The following ZNF536 variants were observed in gnomAD, a reference collection of about 807,000 sequenced individuals.
ZNF536 encodes the protein zinc finger protein 536.
In ZNF536, 13 loss-of-function variants were observed where a neutral mutation model predicts 84.5. The ratio of observed to expected loss-of-function variants is 0.15; its 90% CI spans 0.10 to 0.24. The LOEUF (loss-of-function observed/expected upper bound fraction) is 0.24. ZNF536 is among the 10% of genes least tolerant of loss of function. The probability of loss-of-function intolerance (pLI) is 1.00; values close to 1 mark genes in which losing one functional copy is unlikely to be tolerated. For missense variants in ZNF536, 1,536 were observed against 1,747.5 expected, an observed-to-expected ratio of 0.88 and a Z score of 2.16; for synonymous variants, 811 against 742.5, an observed-to-expected ratio of 1.09 and a Z score of -1.50.
intron 2 of ZNF536, among the ~76,000 whole-genome samples, chr19:30,306,100 A>G (rs2046335302): frequency 6.6e-6 from 1 of 150,872 alleles, no homozygotes; most frequent in Non-Finnish European, 1.5e-5. Context: ...GTTTTGCCTT[A>G]TTGGCAGTTT....
At chr19:30,592,048 G>A in intron 1 of ZNF536, among the ~76,000 whole-genome samples, 1 of 152,126 alleles carries the variant, frequency 6.6e-6, no homozygotes, top group African/African-American at 2.4e-5. Flanking sequence ...ACCTTCTCTA[G>A]TGTGATAACC....
At chr19:30,392,087 G>C (rs2049616401) in intron 1 of ZNF536, among the ~76,000 whole-genome samples, 1 of 152,146 alleles carries the variant, frequency 6.6e-6, no homozygotes, top group Non-Finnish European at 1.5e-5. Flanking sequence ...AGAGGAGAGG[G>C]GAGGTGCTCA....
chr19:30,608,046 A>C (rs2047960078), intron 1 of ZNF536, among the ~76,000 whole-genome samples: 1 of 152,212 alleles, frequency 6.6e-6, no homozygotes, highest in Admixed American at 6.5e-5. Flanking sequence ...TTGTTATTTC[A>C]TGCAAAACTT....
intron 1 of ZNF536, among the ~76,000 whole-genome samples, chr19:30,258,840 C>A (rs900106951): frequency 7.9e-5 from 12 of 152,024 alleles, no homozygotes; most frequent in Middle Eastern, 3.4e-3. Context: ...GCCTCAGCCT[C>A]CCGAGTAGCT....
In ZNF536 at chr19:30,690,263, C is replaced by G. The variant is rs140772093; in HGVS notation, c.170-20494C>G. Among the ~76,000 whole-genome samples, 44 of 152,298 alleles carry G rather than the reference C, an allele frequency of 2.9e-4. No homozygotes were observed. In the East Asian group the frequency reaches 6.6e-3, roughly 23 times the overall value. On this transcript the variant is annotated intron_variant, in intron 1 of 1. Coordinates refer to the ZNF536 transcript ENST00000592773. ...CCACATTTGGGGTGAAAAGACTCTT[C>G]TAGCAAAACAAAGGTCCAGTGAAGA...
rs1568378086 is a variant in ZNF536 at position 30,384,128 on chromosome 19, CTTTCTT to C, written c.-3+11574_-3+11579del. Among the ~76,000 whole-genome samples, 94 of 66,876 alleles carry C rather than the reference CTTTCTT, an allele frequency of 1.4e-3. 2 individuals carry two copies. Among genetic ancestry groups the C allele is most frequent in the African/African-American group, 5.3e-3 (87 of 16,418 alleles). 43.9% of individuals were successfully genotyped at this position (66,876 alleles called of 152,430 possible). A position where few individuals can be genotyped will look rare whatever the true frequency, so the allele number is the denominator to read the frequency against. On this transcript the variant is annotated intron_variant, in intron 1 of 4. Transcript: ENST00000355537. ...TCTTTCTTTCTTTCTTTCTTTCTTTCTTTCTTTCTTTCTTTCTTTCTTTCTTTCTTT... is the reference window on the plus strand; with the variant it reads ...TCTTTCTTTCTTTCTTTCTTTCTTTCTCTTTCTTTCTTTCTTTCTTTCTTT...
chr19:30,306,387 T>C (rs757217160), intron 2 of ZNF536, among the ~76,000 whole-genome samples: 5 of 152,204 alleles, frequency 3.3e-5, no homozygotes, highest in Non-Finnish European at 5.9e-5. Context: ...CAGATTATTC[T>C]CTTTTCTCTG....
chr19:30,585,152 T>C (rs1477185457), intron 1 of ZNF536, among the ~76,000 whole-genome samples: 4 of 151,936 alleles, frequency 2.6e-5, no homozygotes, highest in Admixed American at 1.3e-4. Flanking sequence ...GAAAAGAAGA[T>C]ACAGTCTTAA....
intron 2 of ZNF536, among the ~76,000 whole-genome samples, chr19:30,505,474 T>C (rs573941816): frequency 1.3e-5 from 2 of 148,704 alleles, no homozygotes; most frequent in Non-Finnish European, 3.0e-5. Context: ...ATCAATAATC[T>C]ATATTATTAA....
intron 1 of ZNF536, among the ~76,000 whole-genome samples, chr19:30,702,462 TG>T (rs1012482129): frequency 3.3e-5 from 5 of 150,574 alleles, no homozygotes; most frequent in Admixed American, 6.6e-5. Flanking sequence ...GGCGGGCAGT[TG>T]GGGGGGCCCC....
Position 30,522,252 on chromosome 19 carries a change from G to GATATATATATATATATGTGT in ZNF536, c.2171-12586_2171-12585insTATATATGTGTATATATATA. Among the ~76,000 whole-genome samples, 4 of 44,412 alleles carry GATATATATATATATATGTGT rather than the reference G, an allele frequency of 9.0e-5. 1 individual carries two copies. The highest frequency in any genetic ancestry group is 8.0e-4 in the Admixed American group (3 of 3,734). 29.1% of individuals were successfully genotyped at this position (44,412 alleles called of 152,430 possible). On this transcript the variant is annotated intron_variant, in intron 2 of 4. Coordinates refer to ENST00000355537, the MANE Select transcript of ZNF536 (RefSeq NM_014717.3). Reference sequence around the variant, plus strand: ...TGCCTGTGCCTGATTGGCAGAGCTGGATATATATACATATATATATACATA... The same window carrying GATATATATATATATATGTGT: ...TGCCTGTGCCTGATTGGCAGAGCTGGATATATATATATATATGTGTATATATATACATATATATATACATA...
At position 30,527,219 on chromosome 19, in the gene ZNF536, C is replaced by CTTT. The variant is rs56404227; in HGVS notation, c.2171-7599_2171-7597dup. On this transcript the variant is annotated intron_variant, in intron 2 of 4. Transcript: ENST00000355537. ...GGTGTGATCCACCACACCCAGCCTCCTTTTTTTTTTTTTTTTTTTTTTTTT... is the reference window on the plus strand; with the variant it reads ...GGTGTGATCCACCACACCCAGCCTCCTTTTTTTTTTTTTTTTTTTTTTTTTTTT... 1.9e-3 allele frequency among the ~76,000 whole-genome samples: 201 copies of CTTT among 106,128 alleles called. 4 individuals carry two copies. The highest frequency in any genetic ancestry group is 6.7e-3 in the African/African-American group (172 of 25,720). The allele number at this position is 106,128 out of a possible 152,430, so 69.6% of individuals were successfully genotyped here. A position where few individuals can be genotyped will look rare whatever the true frequency, so the allele number is the denominator to read the frequency against.
chr19:30,513,448 G>A (rs2055502245), intron 2 of ZNF536, among the ~76,000 whole-genome samples: 1 of 152,208 alleles, frequency 6.6e-6, no homozygotes, highest in African/African-American at 2.4e-5. Flanking sequence ...TTAAGTGCAT[G>A]AATTATGTTG....
chr19:30,348,859 A>G (rs2047838237), intron 2 of ZNF536, among the ~76,000 whole-genome samples: 1 of 151,050 alleles, frequency 6.6e-6, no homozygotes, highest in African/African-American at 2.4e-5. Context: ...GGCCAGCAGA[A>G]TGAATGCCAG....
intron 1 of ZNF536, among the ~76,000 whole-genome samples, chr19:30,442,458 T>C (rs2052097536): frequency 6.6e-6 from 1 of 152,258 alleles, no homozygotes; most frequent in Non-Finnish European, 1.5e-5. Context: ...TTAAAAACAC[T>C]CAAACTTGGT....
intron 1 of ZNF536, among the ~76,000 whole-genome samples, chr19:30,282,627 T>C (rs2045489849): frequency 6.6e-6 from 1 of 152,018 alleles, no homozygotes; most frequent in South Asian, 2.1e-4. Flanking sequence ...TCCCTAAACA[T>C]AAGGAGGTCG....
intron 3 of ZNF536, among the ~76,000 whole-genome samples, chr19:30,537,476 C>T (rs1414701724): frequency 6.6e-6 from 1 of 152,202 alleles, no homozygotes; most frequent in Admixed American, 6.5e-5. Context: ...CAGGTGGTAA[C>T]TCTCCATGGG....
At chr19:30,697,400 A>G (rs2051706456) in intron 1 of ZNF536, among the ~76,000 whole-genome samples, 1 of 152,240 alleles carries the variant, frequency 6.6e-6, no homozygotes, top group African/African-American at 2.4e-5. Context: ...TTGAAGTTCA[A>G]GGTTACCATG....
intron 2 of ZNF536, among the ~76,000 whole-genome samples, chr19:30,449,696 C>T (rs991997871): frequency 1.3e-5 from 2 of 152,046 alleles, no homozygotes; most frequent in Non-Finnish European, 2.9e-5. Context: ...GGGAGAGATG[C>T]GAAGATGAAA....
Sources: gnomAD v4.1 joint callset for allele counts (sites outside exome capture counted in the v4.1 genomes callset) on GRCh38, gnomAD v4.1.1 for gene constraint, MANE v1.5 for transcripts, NCBI Gene and HGNC (gene_info 2026-07-23, HGNC 2026-07-21) for gene names.